Variants in MLLT1 observed in about 807,000 individuals in gnomAD.
The protein encoded by MLLT1 is MLLT1 super elongation complex subunit.
In MLLT1, 11 loss-of-function variants were observed where a neutral mutation model predicts 55.1. The observed-to-expected ratio is 0.20, with a 90% confidence interval of 0.13 to 0.33. The LOEUF (loss-of-function observed/expected upper bound fraction) is 0.33, where lower values mean the gene tolerates loss of function less well. Among genes scored for constraint, MLLT1 ranks in the 10% least tolerant of loss-of-function variants. The pLI is 1.00. For missense variants in MLLT1, 536 were observed against 760.6 expected (o/e 0.70, Z 3.47); for synonymous variants, 323 against 320.1 (o/e 1.01, Z -0.10).
intron 1 of MLLT1, among the ~76,000 whole-genome samples, chr19:6,271,385 C>T (rs2091394072): frequency 6.6e-6 from 1 of 152,192 alleles, no homozygotes; most frequent in African/African-American, 2.4e-5. Flanking sequence ...CACTGGCTTT[C>T]AGTTTCAAAA....
At position 6,222,314 on chromosome 19, in the gene MLLT1, T is replaced by C; in HGVS notation, c.917A>G (p.Lys306Arg). 1 of 1,578,290 alleles carries C rather than the reference T, an allele frequency of 6.3e-7. No homozygotes were observed. The highest frequency in any genetic ancestry group is 8.6e-7 in the Non-Finnish European group (1 of 1,162,384). The change falls in exon 6 of 12, where the codon AAG becomes AGG. Residue 306 changes from lysine to arginine, a missense_variant. Lys to Arg is a conservative substitution (Grantham distance 26, BLOSUM62 2). Transcript: ENST00000252674. This position sits in a 1 kb window ranked among gnomAD's most constrained non-coding sequence, Gnocchi z 4.1. ...GGTGCCTGGAGCACTCCGGGACCCC[T>C]TCGAGCTGCTCTTCTTCTGCTTCTT... ...SAKKQKKSSSKGSRSAPGTSP... is the reference protein window; with the variant it reads ...SAKKQKKSSSRGSRSAPGTSP...
chr19:6,225,759 G>A (rs2090950834), intron 5 of MLLT1, among the ~76,000 whole-genome samples: 2 of 152,166 alleles, frequency 1.3e-5, no homozygotes, highest in Non-Finnish European at 1.5e-5. Context: ...CCCAGCAGAC[G>A]CAGCCCCGCC....
intron 3 of MLLT1, among the ~76,000 whole-genome samples, chr19:6,261,091 T>C (rs2091300868): frequency 1.3e-5 from 2 of 152,108 alleles, no homozygotes; most frequent in Admixed American, 6.5e-5. Context: ...CGGATACAGC[T>C]GGGGAGACTG....
At chr19:6,232,991 G>A (rs962521170) in intron 3 of MLLT1, among the ~76,000 whole-genome samples, 3 of 152,314 alleles carry the variant, frequency 2.0e-5, no homozygotes, top group South Asian at 2.1e-4. Context: ...AGTCAGCAGT[G>A]GGGACGCAAG....
Position 6,240,240 on chromosome 19 carries a change from G to A in MLLT1, c.277-9527C>T, listed in dbSNP as rs1223160531. Among the ~76,000 whole-genome samples the A allele has an allele frequency of 6.6e-6, 1 of 152,230 alleles. No individual in the cohort carries two copies. Among genetic ancestry groups the A allele is most frequent in the African/African-American group, 2.4e-5 (1 of 41,462 alleles). Reference sequence around the variant, plus strand: ...AGAGGCCCCGCCCCCTCCCACACATGTGCTCAGGGCCTGCAGCCCCATGTG... The same window carrying A: ...AGAGGCCCCGCCCCCTCCCACACATATGCTCAGGGCCTGCAGCCCCATGTG... On this transcript the variant is annotated intron_variant, in intron 3 of 11. Coordinates refer to ENST00000252674, the MANE Select transcript of MLLT1 (RefSeq NM_005934.4). The surrounding 1 kb of genome is among the most constrained non-coding windows in gnomAD (Gnocchi z 4.7).
chr19:6,211,057 G>T lies in MLLT1; in HGVS notation c.*1985C>A. The T allele has an allele frequency of 4.3e-6, 1 of 231,770 alleles. No individual in the cohort carries two copies. The highest frequency in any genetic ancestry group is 8.5e-6 in the Non-Finnish European group (1 of 117,224). 14.4% of individuals were successfully genotyped at this position (231,770 alleles called of 1,614,324 possible). On this transcript the variant is annotated 3_prime_UTR_variant, in exon 12 of 12. Transcript: ENST00000252674. The surrounding 1 kb of genome is among the most constrained non-coding windows in gnomAD (Gnocchi z 4.6). Reference sequence around the variant, plus strand: ...CTGCTCGAGTCGCTGTGTGGATTTTGGGGGACTCCTGCGAAGGAGAAAGGC... The same window carrying T: ...CTGCTCGAGTCGCTGTGTGGATTTTTGGGGACTCCTGCGAAGGAGAAAGGC...
intron 3 of MLLT1, among the ~76,000 whole-genome samples, chr19:6,244,848 G>A (rs756818373): frequency 2.0e-5 from 3 of 152,064 alleles, no homozygotes; most frequent in East Asian, 1.9e-4. Flanking sequence ...GCTCATTACC[G>A]TCGGCCGTCA....
At chr19:6,243,440 C>T (rs993731965) in intron 3 of MLLT1, among the ~76,000 whole-genome samples, 7 of 152,190 alleles carry the variant, frequency 4.6e-5, no homozygotes, top group Non-Finnish European at 1.0e-4. Context: ...GCCAGGTCTG[C>T]ATTATAATGT....
At position 6,273,627 on chromosome 19, in the gene MLLT1, C is replaced by T. The variant is rs769779701; in HGVS notation, c.13-2868G>A. On this transcript the variant is annotated intron_variant, in intron 1 of 11. Coordinates refer to ENST00000252674, the MANE Select transcript of MLLT1 (RefSeq NM_005934.4). This position sits in a 1 kb window ranked among gnomAD's most constrained non-coding sequence, Gnocchi z 4.3. ...ACCACCCTCTATGCTTACACGCCTG[C>T]GCCTCTGCCTTTTTCGCTAGAAAAC... Among the ~76,000 whole-genome samples the T allele has an allele frequency of 5.9e-5, 9 of 152,216 alleles. No individual in the cohort carries two copies. The highest frequency in any genetic ancestry group is 2.6e-4 in the Admixed American group (4 of 15,284).
Position 6,270,836 on chromosome 19 carries a change from C to T in MLLT1, c.13-77G>A, listed in dbSNP as rs1171018753. 2.1e-6 allele frequency: 3 copies of T among 1,419,458 alleles called. No individual in the cohort carries two copies. Among genetic ancestry groups the T allele is most frequent in the Middle Eastern group, 1.9e-4 (1 of 5,368 alleles). 87.9% of individuals were successfully genotyped at this position (1,419,458 alleles called of 1,614,324 possible). On this transcript the variant is annotated intron_variant, in intron 1 of 11. Transcript: ENST00000252674. The surrounding 1 kb of genome is among the most constrained non-coding windows in gnomAD (Gnocchi z 7.1). ...GGACTGTCCCCTTACCCACAGAGAA[C>T]TTTCGATAAAGACCCCCAGCAGTGC...
At chr19:6,239,040 ATCTGGCCATTTAC>A (rs2091090114) in intron 3 of MLLT1, among the ~76,000 whole-genome samples, 2 of 152,232 alleles carry the variant, frequency 1.3e-5, no homozygotes, top group Non-Finnish European at 2.9e-5. Flanking sequence ...GTTTCGTGGC[ATCTGGCCATTTAC>A]CGAAGCCTCA....
chr19:6,245,308 T>G (rs1600197776), intron 3 of MLLT1, among the ~76,000 whole-genome samples: 1 of 149,926 alleles, frequency 6.7e-6, no homozygotes, highest in African/African-American at 2.5e-5. Context: ...CCCAGGCTGG[T>G]CTCAACCTCC....
intron 3 of MLLT1, among the ~76,000 whole-genome samples, chr19:6,250,231 T>A (rs912585104): frequency 1.3e-5 from 2 of 152,192 alleles, no homozygotes; most frequent in African/African-American, 4.8e-5. Context: ...CCCACAGGGA[T>A]GGCTATCAGT....
intron 3 of MLLT1, among the ~76,000 whole-genome samples, chr19:6,232,194 C>T (rs2091018321): frequency 6.6e-6 from 1 of 152,146 alleles, no homozygotes; most frequent in South Asian, 2.1e-4. Flanking sequence ...TAAGATTGCA[C>T]CACTGCACTC....
intron 2 of MLLT1, among the ~76,000 whole-genome samples, chr19:6,263,765 G>A (rs1370636300): frequency 5.9e-5 from 9 of 152,208 alleles, no homozygotes; most frequent in Non-Finnish European, 1.0e-4. Flanking sequence ...GGCAGAAGTC[G>A]GACGAGGACA....
At chr19:6,232,743 T>C (rs2091023712) in intron 3 of MLLT1, among the ~76,000 whole-genome samples, 1 of 152,108 alleles carries the variant, frequency 6.6e-6, no homozygotes, top group African/African-American at 2.4e-5. Flanking sequence ...AGGGTTTCTT[T>C]TGGGGGTGAT....
At chr19:6,225,158 C>A (rs59675107) in intron 5 of MLLT1, among the ~76,000 whole-genome samples, 2,122 of 152,340 alleles carry the variant, frequency 0.014, 62 homozygotes, top group African/African-American at 0.046. Context: ...AGGGTCCTGC[C>A]CCCTCTATGA....
chr19:6,213,803 G>A lies in MLLT1; in HGVS notation c.1408-6C>T. The A allele has an allele frequency of 1.2e-6, 2 of 1,613,450 alleles. No individual in the cohort carries two copies. Among genetic ancestry groups the A allele is most frequent in the East Asian group, 2.2e-5 (1 of 44,862 alleles). On this transcript the variant is annotated splice_polypyrimidine_tract_variant and splice_region_variant and intron_variant, in intron 9 of 11. Coordinates refer to ENST00000252674, the MANE Select transcript of MLLT1 (RefSeq NM_005934.4). ...GGGCTCCTCCGGCCTGACACCTGCA[G>A]GGAACCCAGGTCTCTGCTGAGCTGT...
chr19:6,235,298 C>T lies in MLLT1; in HGVS notation c.277-4585G>A, dbSNP rs529641177. On this transcript the variant is annotated intron_variant, in intron 3 of 11. Coordinates refer to ENST00000252674, the MANE Select transcript of MLLT1 (RefSeq NM_005934.4). The surrounding 1 kb of genome is among the most constrained non-coding windows in gnomAD (Gnocchi z 5.5). The stretch of plus-strand genomic sequence containing the variant: ...CTGGGGGGCATCCTCGTGCAGAAAG[C>T]CTGGGGCCTGAGGGACACCAGCAGG... Among the ~76,000 whole-genome samples, 28 of 152,324 alleles carry T rather than the reference C, an allele frequency of 1.8e-4. No homozygotes were observed. The highest frequency in any genetic ancestry group is 1.6e-3 in the Admixed American group (25 of 15,304).
Sources: allele counts gnomAD v4.1 joint callset (sites outside exome capture counted in the v4.1 genomes callset), GRCh38; gene constraint gnomAD v4.1.1; non-coding constraint Gnocchi (gnomAD v3.1); transcripts MANE v1.5; gene names NCBI Gene and HGNC (gene_info 2026-07-23, HGNC 2026-07-21).